Variants in P3H3 observed in about 807,000 individuals in gnomAD.
P3H3 encodes gene rich cluster, B.
P3H3 carries 64 observed loss-of-function variants against 78.1 expected under a neutral mutation model. That is an observed-to-expected ratio of 0.82 (90% CI 0.67 to 1.01). The LOEUF is 1.01. P3H3 is among the 50% of genes least tolerant of loss of function. The probability of loss-of-function intolerance (pLI) is 0.00; values close to 1 mark genes in which losing one functional copy is unlikely to be tolerated. For missense variants in P3H3, 975 were observed against 982.2 expected (o/e 0.99, Z 0.10); for synonymous variants, 425 against 416.7 (o/e 1.02, Z -0.24).
Position 6,829,941 on chromosome 12 carries a change from TGGCTAAGTACAGACGAATGTCG to T in P3H3, c.584_605del (p.Ala195GlufsTer38), listed in dbSNP as rs1555121054. 2 of 1,614,026 alleles carry T rather than the reference TGGCTAAGTACAGACGAATGTCG, an allele frequency of 1.2e-6. No individual in the cohort carries two copies. The highest frequency in any genetic ancestry group is 1.7e-5 in the Admixed American group (1 of 60,030). On this transcript the variant is annotated frameshift_variant, in exon 2 of 15. Transcript: ENST00000290510. LOFTEE classifies it high-confidence loss of function. This position sits in a 1 kb window ranked among gnomAD's most constrained non-coding sequence, Gnocchi z 5.1. ...ATGCACCTGCAGATGCGGGAGGACA[TGGCTAAGTACAGACGAATGTCG>T]GGAGTTCGGCCCCAGAGCTTCCGGG...
At position 6,839,428 on chromosome 12, in the gene P3H3, T is replaced by A; in HGVS notation, c.2178T>A (p.Thr726=). ...SRRHQRVQDK[T]GRAPRVREEL ...GGCACCAGAGGGTCCAAGACAAGAC[T>A]GGAAGGGCACCTCGGGTTCGGGAGG... The change falls in exon 15 of 15, where the codon ACT becomes ACA. Residue 726 remains threonine (T), a synonymous_variant. Transcript: ENST00000290510. 6.4e-7 allele frequency: 1 copy of A among 1,551,728 alleles called. No individual in the cohort carries two copies. Among genetic ancestry groups the A allele is most frequent in the East Asian group, 2.4e-5 (1 of 40,930 alleles).
Position 6,830,496 on chromosome 12 carries a change from G to A in P3H3, c.795G>A (p.Gly265=). 1 of 1,584,420 alleles carries A rather than the reference G, an allele frequency of 6.3e-7. No individual in the cohort carries two copies. The highest frequency in any genetic ancestry group is 8.6e-7 in the Non-Finnish European group (1 of 1,166,298). The change falls in exon 3 of 15, where the codon GGG becomes GGA. Residue 265 remains glycine, a synonymous_variant. Transcript: ENST00000290510. ...GTGAGGGGCCTGAGGAGCAGCAGGGGGCTGAAGAAGAGGAGGATGGGGCTG... is the reference window on the plus strand; with the variant it reads ...GTGAGGGGCCTGAGGAGCAGCAGGGAGCTGAAGAAGAGGAGGATGGGGCTG... ...ADCEGPEEQQ[G]AEEEEDGAAS...
At chr12:6,833,476 T>C in intron 6 of P3H3, 116 bp from the exon 7 acceptor site, 1 of 1,048,044 alleles carries the variant, frequency 9.5e-7, no homozygotes, top group African/African-American at 1.6e-5. Flanking sequence ...GGGCTTTTCC[T>C]ACCTCCGTCT....
chr12:6,837,489 C>G lies in P3H3; in HGVS notation c.1627C>G (p.Arg543Gly). 6.2e-7 allele frequency: 1 copy of G among 1,611,218 alleles called. No homozygotes were observed. The highest frequency in any genetic ancestry group is 1.1e-5 in the South Asian group (1 of 90,406). ...GCTTCTGGAGGTGAGCGAGCGGGTG[C>G]GGACCTTGACCCAGGCCTACTTCTC... ...KLLLEVSERV[R>G]TLTQAYFSPE... The change falls in exon 11 of 15, where the codon CGG (arginine) becomes GGG (glycine). Residue 543 changes from arginine (R) to glycine (G), a missense_variant. Arg to Gly is a moderately radical substitution (Grantham distance 125, BLOSUM62 -2). Coordinates refer to ENST00000290510, the MANE Select transcript of P3H3 (RefSeq NM_014262.5).
Position 6,831,062 on chromosome 12 carries a change from C to A in P3H3, c.986-154C>A. The A allele has an allele frequency of 9.9e-7, 1 of 1,007,100 alleles. No individual in the cohort carries two copies. Among genetic ancestry groups the A allele is most frequent in the Non-Finnish European group, 1.6e-6 (1 of 633,976 alleles). 62.4% of individuals were successfully genotyped at this position (1,007,100 alleles called of 1,614,324 possible). Reference sequence around the variant, plus strand: ...TGTTTGCACCAGTGTTTGAAAGAACCGGCAGCTGAACTTGTCTGCCAGTGG... The same window carrying A: ...TGTTTGCACCAGTGTTTGAAAGAACAGGCAGCTGAACTTGTCTGCCAGTGG... On this transcript the variant is annotated intron_variant, in intron 4 of 14. Coordinates refer to ENST00000290510, the MANE Select transcript of P3H3 (RefSeq NM_014262.5). The surrounding 1 kb of genome is among the most constrained non-coding windows in gnomAD (Gnocchi z 4.6).
chr12:6,838,531 G>C (rs540348559), intron 13 of P3H3, among the ~76,000 whole-genome samples: 28 of 152,176 alleles, frequency 1.8e-4, no homozygotes, highest in Non-Finnish European at 3.1e-4. Context: ...GTAATGATAA[G>C]CAATTAATGA....
intron 11 of P3H3, 73 bp downstream of exon 11, chr12:6,837,646 CG>C: frequency 1.3e-6 from 2 of 1,578,894 alleles, no homozygotes; most frequent in Non-Finnish European, 1.7e-6. Flanking sequence ...CCAAGAGCCC[CG>C]GGGTGGACGT....
rs913488980 is a variant in P3H3, at chr12:6,838,166, A to T, written c.1905+133A>T. 8.3e-5 allele frequency: 101 copies of T among 1,210,580 alleles called. 1 individual carries two copies. The East Asian group carries it at 2.6e-3, about 31-fold the overall frequency. The allele number at this position is 1,210,580 out of a possible 1,614,324, so 75.0% of individuals were successfully genotyped here. A position where few individuals can be genotyped will look rare whatever the true frequency, so the allele number is the denominator to read the frequency against. On this transcript the variant is annotated intron_variant, in intron 13 of 14. Transcript: ENST00000290510. Reference sequence around the variant, plus strand: ...AACCCTTTCACTTCCCCGCCTCCGCAGCCCTCCCGCTGCTTCCTCCGTAGC... The same window carrying T: ...AACCCTTTCACTTCCCCGCCTCCGCTGCCCTCCCGCTGCTTCCTCCGTAGC...
chr12:6,831,206 C>T lies in P3H3; in HGVS notation c.986-10C>T. On this transcript the variant is annotated splice_polypyrimidine_tract_variant and intron_variant, in intron 4 of 14. Coordinates refer to ENST00000290510, the MANE Select transcript of P3H3 (RefSeq NM_014262.5). The surrounding 1 kb of genome is among the most constrained non-coding windows in gnomAD (Gnocchi z 4.6). ...TCCCCCAACCCCTGACCTTGTCGCT[C>T]CCTCTCCAGTGGGCAATCTGTCCCA... 1 of 1,613,758 alleles carries T rather than the reference C, an allele frequency of 6.2e-7. No individual in the cohort carries two copies. Among genetic ancestry groups the T allele is most frequent in the Non-Finnish European group, 8.5e-7 (1 of 1,179,780 alleles).
rs902747593 is a variant in P3H3 at position 6,829,276 on chromosome 12, C to G, written c.498+338C>G. On this transcript the variant is annotated intron_variant, in intron 1 of 14. Transcript: ENST00000290510. This position sits in a 1 kb window ranked among gnomAD's most constrained non-coding sequence, Gnocchi z 5.1. ...AACCGGCTCTCGGACGGGAAGTGTG[C>G]GTGGGTGTGTGTGTGTGTCGGGGGT... 1.0e-5 allele frequency: 3 copies of G among 289,752 alleles called. No individual in the cohort carries two copies. The highest frequency in any genetic ancestry group is 5.3e-5 in the Admixed American group (1 of 19,014). 17.9% of individuals were successfully genotyped at this position (289,752 alleles called of 1,614,324 possible).
At position 6,829,035 on chromosome 12, in the gene P3H3, G is replaced by T; in HGVS notation, c.498+97G>T. ...GGAGTAGGCGGAATGCTGTTGCCCG[G>T]GCCCCGCACGGGGCTGGGGAGCGTA... On this transcript the variant is annotated intron_variant, in intron 1 of 14. Transcript: ENST00000290510. The surrounding 1 kb of genome is among the most constrained non-coding windows in gnomAD (Gnocchi z 5.1). 1.3e-6 allele frequency: 1 copy of T among 743,810 alleles called. No individual in the cohort carries two copies. Among genetic ancestry groups the T allele is most frequent in the East Asian group, 3.4e-5 (1 of 29,490 alleles). The allele number at this position is 743,810 out of a possible 1,614,324, so 46.1% of individuals were successfully genotyped here.
chr12:6,829,796 C>G lies in P3H3; in HGVS notation c.499-63C>G. On this transcript the variant is annotated intron_variant, in intron 1 of 14. Coordinates refer to ENST00000290510, the MANE Select transcript of P3H3 (RefSeq NM_014262.5). The surrounding 1 kb of genome is among the most constrained non-coding windows in gnomAD (Gnocchi z 5.1). ...TCTGGGGTAGGGTGGGGAGGCTGGC[C>G]AGGGGGCAGAGGTCTGCCCCCCGTC... 3 of 1,591,644 alleles carry G rather than the reference C, an allele frequency of 1.9e-6. No homozygotes were observed. The highest frequency in any genetic ancestry group is 2.6e-6 in the Non-Finnish European group (3 of 1,163,298).
intron 6 of P3H3, among the ~76,000 whole-genome samples, chr12:6,833,249 G>T (rs1288267020): frequency 1.3e-5 from 2 of 152,312 alleles, no homozygotes; most frequent in East Asian, 3.9e-4. Flanking sequence ...TCTTGAGCAT[G>T]TTACTTTACT....
Position 6,828,944 on chromosome 12 carries a change from G to A in P3H3, c.498+6G>A, listed in dbSNP as rs901229652. 3 of 1,232,830 alleles carry A rather than the reference G, an allele frequency of 2.4e-6. No homozygotes were observed. The highest frequency in any genetic ancestry group is 2.0e-6 in the Non-Finnish European group (2 of 985,044). The allele number at this position is 1,232,830 out of a possible 1,614,324, so 76.4% of individuals were successfully genotyped here. On this transcript the variant is annotated splice_donor_region_variant and intron_variant, in intron 1 of 14. Coordinates refer to ENST00000290510, the MANE Select transcript of P3H3 (RefSeq NM_014262.5). The stretch of plus-strand genomic sequence containing the variant: ...TGCAGAGGGCCTATTACCAGGTGGG[G>A]AGCGGGCCGGGCAGCTCCGAGGGTC...
At chr12:6,837,219 C>T (rs868934832) in intron 10 of P3H3, 133 bp downstream of exon 10, 27 of 994,232 alleles carry the variant, frequency 2.7e-5, no homozygotes, top group East Asian at 1.8e-4. Context: ...TAGGACCCAG[C>T]GTGGAGAAAA....
intron 6 of P3H3, among the ~76,000 whole-genome samples, chr12:6,833,107 G>A (rs1332477448): frequency 1.3e-5 from 2 of 152,030 alleles, no homozygotes; most frequent in East Asian, 2.0e-4. Flanking sequence ...CCCAGGAGGC[G>A]GAGGTTGCAG....
At position 6,833,587 on chromosome 12, in the gene P3H3, C is replaced by G. The variant is rs782194094; in HGVS notation, c.1213-5C>G. The G allele has an allele frequency of 6.2e-7, 1 of 1,613,530 alleles. No homozygotes were observed. Among genetic ancestry groups the G allele is most frequent in the South Asian group, 1.1e-5 (1 of 91,064 alleles). On this transcript the variant is annotated splice_polypyrimidine_tract_variant and splice_region_variant and intron_variant, in intron 6 of 14. Transcript: ENST00000290510. ...GGGTGATGATGCTTTTCTGGACTGT[C>G]GCAGGACCCCTGGACCCCTGCAGCT...
intron 9 of P3H3, chr12:6,834,989 A>C (rs1419389087): frequency 6.6e-6 from 1 of 152,002 alleles, no homozygotes. Flanking sequence ...ATGCAGTTAT[A>C]GAAGGCTTGC....
In P3H3 at chr12:6,833,632, GAGAAA is replaced by G; in HGVS notation, c.1256_1260del (p.Glu419AlafsTer13). Reference sequence around the variant, plus strand: ...GCAGCTCTCATCCCTGAGGCACTTAGAGAAAAGCTCAGGTAGGATATGCCCCATGG... The same window carrying G: ...GCAGCTCTCATCCCTGAGGCACTTAGAGCTCAGGTAGGATATGCCCCATGG... On this transcript the variant is annotated frameshift_variant, in exon 7 of 15. Transcript: ENST00000290510. LOFTEE classifies it high-confidence loss of function. The G allele has an allele frequency of 5.6e-6, 9 of 1,613,906 alleles. No individual in the cohort carries two copies. Among genetic ancestry groups the G allele is most frequent in the Non-Finnish European group, 6.8e-6 (8 of 1,179,846 alleles).
Sources: allele counts gnomAD v4.1 joint callset (sites outside exome capture counted in the v4.1 genomes callset), GRCh38; gene constraint gnomAD v4.1.1; non-coding constraint Gnocchi (gnomAD v3.1); transcripts MANE v1.5; gene names NCBI Gene and HGNC (gene_info 2026-07-23, HGNC 2026-07-21).